RNF216: variants seen among roughly 807,000 people sequenced by gnomAD.
RNF216 encodes ring finger protein 216.
A neutral mutation model predicts 110.8 loss-of-function variants in RNF216; 72 were observed. That is an observed-to-expected ratio of 0.65 (90% CI 0.54 to 0.79). The LOEUF (loss-of-function observed/expected upper bound fraction) is 0.79, where lower values mean the gene tolerates loss of function less well. Ranked by LOEUF, RNF216 falls within the 30% of genes least tolerant of loss-of-function variation. RNF216 has a pLI of 0.00. For missense variants in RNF216, 1,342 were observed against 1,141.2 expected (o/e 1.18, Z -2.54); for synonymous variants, 495 against 407.5 (o/e 1.21, Z -2.59).
chr7:5,744,195 G>C (rs1794914422), intron 3 of RNF216, among the ~76,000 whole-genome samples: 1 of 152,070 alleles, frequency 6.6e-6, no homozygotes, highest in South Asian at 2.1e-4. Context: ...GCAAATTCCA[G>C]AATGGAAAAA....
intron 13 of RNF216, among the ~76,000 whole-genome samples, chr7:5,697,395 A>C (rs1443215205): frequency 6.6e-6 from 1 of 152,178 alleles, no homozygotes; most frequent in Non-Finnish European, 1.5e-5. Flanking sequence ...ACTTCAACCA[A>C]AGCAGAAATC....
intron 15 of RNF216, among the ~76,000 whole-genome samples, chr7:5,639,433 C>T (rs965494625): frequency 7.2e-5 from 11 of 151,948 alleles, no homozygotes; most frequent in Admixed American, 1.3e-4. Flanking sequence ...CCCAAAGTGC[C>T]GGGATTACAC....
At chr7:5,687,084 T>A (rs186738534) in intron 13 of RNF216, among the ~76,000 whole-genome samples, 1 of 151,968 alleles carries the variant, frequency 6.6e-6, no homozygotes, top group Non-Finnish European at 1.5e-5. Context: ...AAACACCAGG[T>A]TCAAAATCAA....
At chr7:5,662,639 G>C (rs1789220898) in intron 13 of RNF216, 1 of 152,404 alleles carries the variant, frequency 6.6e-6, no homozygotes, top group Admixed American at 6.5e-5. Flanking sequence ...CCTTCCATCA[G>C]TGCCGCTGAG....
chr7:5,754,122 G>C (rs1434859079), intron 2 of RNF216, among the ~76,000 whole-genome samples: 2 of 8,602 alleles, frequency 2.3e-4, no homozygotes, highest in Non-Finnish European at 5.8e-4. Context: ...TTTGTGTGGT[G>C]TGTGTGTGTG....
chr7:5,758,691 C>T (rs1795772674), intron 2 of RNF216, among the ~76,000 whole-genome samples: 1 of 152,166 alleles, frequency 6.6e-6, no homozygotes, highest in Admixed American at 6.6e-5. Flanking sequence ...TGGCCAATTT[C>T]TCCCTTTTGG....
intron 13 of RNF216, among the ~76,000 whole-genome samples, chr7:5,687,068 T>G (rs534573136): frequency 6.6e-6 from 1 of 152,166 alleles, no homozygotes; most frequent in East Asian, 1.9e-4. Flanking sequence ...CAAGTGAATG[T>G]TATAGAAACA....
intron 13 of RNF216, among the ~76,000 whole-genome samples, chr7:5,663,224 G>T (rs1424063287): frequency 6.6e-6 from 1 of 152,150 alleles, no homozygotes; most frequent in Non-Finnish European, 1.5e-5. Context: ...TTGCGGCAAA[G>T]ATGACGTCCT....
intron 13 of RNF216, among the ~76,000 whole-genome samples, chr7:5,677,321 A>G (rs1463595234): frequency 6.6e-6 from 1 of 152,214 alleles, no homozygotes; most frequent in Non-Finnish European, 1.5e-5. Flanking sequence ...GGGCAATGCC[A>G]TCTGCGTTCA....
At chr7:5,627,757 A>G (rs1458542393) in intron 15 of RNF216, among the ~76,000 whole-genome samples, 2 of 151,760 alleles carry the variant, frequency 1.3e-5, no homozygotes, top group African/African-American at 4.8e-5. Flanking sequence ...AAAAAAAAAA[A>G]AGACTAGCCA....
intron 3 of RNF216, among the ~76,000 whole-genome samples, chr7:5,748,767 T>C (rs1346952307): frequency 6.6e-6 from 1 of 152,192 alleles, no homozygotes; most frequent in African/African-American, 2.4e-5. Context: ...GTCAACAGTA[T>C]GCTATTAGTA....
chr7:5,712,616 T>G, intron 12 of RNF216, 99 bp downstream of exon 12: 1 of 1,200,234 alleles, frequency 8.3e-7, no homozygotes, highest in African/African-American at 1.5e-5. Context: ...TCAAAAAACC[T>G]GGAAGATAAA....
At chr7:5,632,597 C>G (rs568068274) in intron 15 of RNF216, among the ~76,000 whole-genome samples, 1 of 152,204 alleles carries the variant, frequency 6.6e-6, no homozygotes, top group South Asian at 2.1e-4. Flanking sequence ...GCCAACATGG[C>G]GAAACCCCAT....
In RNF216 at chr7:5,695,587, C is replaced by T. The variant is rs3801010; in HGVS notation, c.2061+16174G>A. ...CCGCAGCTATAGACAAGTTCTATTGCCCTTTTATGGTAGAAAAATGAATTG... is the reference window on the plus strand; with the variant it reads ...CCGCAGCTATAGACAAGTTCTATTGTCCTTTTATGGTAGAAAAATGAATTG... On this transcript the variant is annotated intron_variant, in intron 13 of 16. Coordinates refer to ENST00000389902, the MANE Select transcript of RNF216 (RefSeq NM_207111.4). Among the ~76,000 whole-genome samples, 179 of 152,334 alleles carry T rather than the reference C, an allele frequency of 1.2e-3. 4 individuals carry two copies. The East Asian group carries it at 0.031, about 26-fold the overall frequency.
intron 13 of RNF216, among the ~76,000 whole-genome samples, chr7:5,654,997 C>A (rs1013465311): frequency 1.3e-5 from 2 of 152,230 alleles, no homozygotes; most frequent in Non-Finnish European, 2.9e-5. Flanking sequence ...CTCCTAACCT[C>A]TAAAACAATG....
chr7:5,777,949 T>G (rs778200888), intron 1 of RNF216, among the ~76,000 whole-genome samples: 8 of 144,430 alleles, frequency 5.5e-5, no homozygotes, highest in Non-Finnish European at 1.6e-5. Flanking sequence ...TACATCCTCA[T>G]GTGTGGAGGG....
chr7:5,748,613 C>A (rs1584566036), intron 3 of RNF216, among the ~76,000 whole-genome samples: 1 of 2,638 alleles, frequency 3.8e-4, no homozygotes, highest in African/African-American at 7.6e-4. Flanking sequence ...TATATACATA[C>A]ACACACACAC....
At chr7:5,754,214 G>A (rs1427698769) in intron 2 of RNF216, among the ~76,000 whole-genome samples, 1 of 150,916 alleles carries the variant, frequency 6.6e-6, no homozygotes, top group Non-Finnish European at 1.5e-5. Flanking sequence ...GCAGTACAAT[G>A]GTGCGATCAT....
chr7:5,716,167 C>G, intron 10 of RNF216, among the ~76,000 whole-genome samples: 1 of 152,136 alleles, frequency 6.6e-6, no homozygotes. Context: ...GCTGGAATTA[C>G]AGGCACGAGC....
Sources: gnomAD v4.1 joint callset for allele counts (sites outside exome capture counted in the v4.1 genomes callset) on GRCh38, gnomAD v4.1.1 for gene constraint, MANE v1.5 for transcripts, NCBI Gene and HGNC (gene_info 2026-07-23, HGNC 2026-07-21) for gene names.